Variants in ACTR3B observed in about 807,000 individuals in gnomAD.
ACTR3B encodes the protein actin related protein 3B, also known as actin-related protein 3B.
Under a neutral mutation model 59.0 loss-of-function variants are expected in ACTR3B, and 8 were observed. The ratio of observed to expected loss-of-function variants is 0.14; its 90% CI spans 0.08 to 0.24. The LOEUF (loss-of-function observed/expected upper bound fraction) is 0.24. ACTR3B is among the 10% of genes least tolerant of loss of function. The probability of loss-of-function intolerance (pLI) is 1.00; values close to 1 mark genes in which losing one functional copy is unlikely to be tolerated. For missense variants in ACTR3B, 245 were observed against 552.3 expected, an observed-to-expected ratio of 0.44 and a Z score of 5.58; for synonymous variants, 148 against 197.9, an observed-to-expected ratio of 0.75 and a Z score of 2.12.
At chr7:152,789,081 AC>A (rs2098185789) in intron 2 of ACTR3B, among the ~76,000 whole-genome samples, 1 of 151,800 alleles carries the variant, frequency 6.6e-6, no homozygotes, top group Admixed American at 6.5e-5. Flanking sequence ...AACAACAACA[AC>A]AAAGCCCTTA....
At chr7:152,781,299 T>A (rs6976679) in intron 1 of ACTR3B, among the ~76,000 whole-genome samples, 5 of 150,240 alleles carry the variant, frequency 3.3e-5, no homozygotes, top group Non-Finnish European at 1.5e-5. Flanking sequence ...TTTTTTCTGG[T>A]TCCATCAGAT....
chr7:152,814,638 C>T lies in ACTR3B; in HGVS notation c.425C>T (p.Ala142Val). The change falls in exon 5 of 12, where the codon GCA becomes GTA. Residue 142 changes from alanine (A) to valine (V), a missense_variant. This residue lies in a region of ACTR3B where 40 missense variants were observed against 70.4 expected (regional missense o/e 0.57). Coordinates refer to ENST00000256001, the MANE Select transcript of ACTR3B (RefSeq NM_020445.6). ...TTTAACGTACCAGGACTCTACATTG[C>T]AGTTCAGGTAAAACCAGTTACGTTT... ...ESFNVPGLYI[A>V]VQAVLALAAS... 2 of 1,612,662 alleles carry T rather than the reference C, an allele frequency of 1.2e-6. No individual in the cohort carries two copies. Among genetic ancestry groups the T allele is most frequent in the Non-Finnish European group, 1.7e-6 (2 of 1,178,766 alleles).
Position 152,814,586 on chromosome 7 carries a change from T to C in ACTR3B, c.373T>C (p.Tyr125His), listed in dbSNP as rs753345727. 6.2e-7 allele frequency: 1 copy of C among 1,613,218 alleles called. No homozygotes were observed. Among genetic ancestry groups the C allele is most frequent in the South Asian group, 1.1e-5 (1 of 90,992 alleles). Residue 125 changes from tyrosine (Y) to histidine (H), a missense_variant, in exon 5 of 12, where the codon TAT (tyrosine) becomes CAT (histidine). By Grantham distance (83) the Tyr-to-His change is moderately conservative. Transcript: ENST00000256001. ...ACTCAATACACCAGAAAACAGAGAG[T>C]ATCTTGCAGAAATTATGTTTGAATC... ...PPLNTPENRE[Y>H]LAEIMFESFN...
chr7:152,848,369 C>T (rs949498427), intron 9 of ACTR3B, among the ~76,000 whole-genome samples: 2 of 152,186 alleles, frequency 1.3e-5, no homozygotes, highest in African/African-American at 4.8e-5. Context: ...TGCAGCATTC[C>T]CTGCCAGAGA....
intron 2 of ACTR3B, among the ~76,000 whole-genome samples, chr7:152,796,860 G>GGTTTTTT (rs2098218252): frequency 7.3e-5 from 4 of 54,738 alleles, no homozygotes; most frequent in African/African-American, 2.8e-4. Flanking sequence ...TAGTTTTTGT[G>GGTTTTTT]TTTTTTTTTT....
chr7:152,836,230 A>G (rs1590414620), intron 9 of ACTR3B, among the ~76,000 whole-genome samples: 1 of 152,374 alleles, frequency 6.6e-6, no homozygotes, highest in African/African-American at 2.4e-5. Flanking sequence ...GAAGTATTTC[A>G]AAAGATAGGC....
At chr7:152,828,975 T>G (rs541103135) in intron 9 of ACTR3B, among the ~76,000 whole-genome samples, 77 of 152,198 alleles carry the variant, frequency 5.1e-4, no homozygotes, top group African/African-American at 1.7e-3. Flanking sequence ...AAATATAATT[T>G]TTAATTTTTA....
intron 2 of ACTR3B, among the ~76,000 whole-genome samples, chr7:152,791,785 A>G (rs1383137662): frequency 1.3e-5 from 2 of 152,208 alleles, no homozygotes; most frequent in Non-Finnish European, 2.9e-5. Flanking sequence ...TTTCATCTCT[A>G]TAATTTTATC....
chr7:152,849,627 A>G (rs528190336), intron 9 of ACTR3B, among the ~76,000 whole-genome samples: 11 of 152,388 alleles, frequency 7.2e-5, no homozygotes, highest in African/African-American at 2.2e-4. Context: ...ACAAGCTAAT[A>G]AAAAGGTCCT....
At chr7:152,786,630 G>A (rs1466639611) in intron 2 of ACTR3B, among the ~76,000 whole-genome samples, 4 of 150,150 alleles carry the variant, frequency 2.7e-5, no homozygotes, top group African/African-American at 4.9e-5. Context: ...GAATGAACAC[G>A]TCATTACTGC....
chr7:152,792,001 C>G (rs943910536), intron 2 of ACTR3B, among the ~76,000 whole-genome samples: 17 of 152,122 alleles, frequency 1.1e-4, no homozygotes, highest in Non-Finnish European at 2.4e-4. Flanking sequence ...AAGCAATTCT[C>G]CTGCCTCAGC....
At chr7:152,769,858 C>T (rs2098119920) in intron 1 of ACTR3B, among the ~76,000 whole-genome samples, 1 of 136,978 alleles carries the variant, frequency 7.3e-6, no homozygotes, top group Non-Finnish European at 1.6e-5. Flanking sequence ...TCCGTTTCAG[C>T]ATCTGATTTG....
Position 152,759,939 on chromosome 7 carries a change from C to A in ACTR3B, c.44+13C>A. The stretch of plus-strand genomic sequence containing the variant: ...ACTGTGGCACCGGGTAAGAGCAGCT[C>A]GGCGCCCACCCCCGCTCCTCCGCGG... On this transcript the variant is annotated intron_variant, in intron 1 of 11. Transcript: ENST00000256001. The A allele has an allele frequency of 7.3e-7, 1 of 1,372,008 alleles. No individual in the cohort carries two copies. The allele number at this position is 1,372,008 out of a possible 1,614,324, so 85.0% of individuals were successfully genotyped here.
chr7:152,824,496 T>C lies in ACTR3B; in HGVS notation c.859-534T>C, dbSNP rs1796419233. 6.6e-6 allele frequency among the ~76,000 whole-genome samples: 1 copy of C among 152,216 alleles called. No individual in the cohort carries two copies. Among genetic ancestry groups the C allele is most frequent in the African/African-American group, 2.4e-5 (1 of 41,462 alleles). ...AGCTTATTTAACTTATGGAATTGAA[T>C]CTATGGCTGTTTATTCAATAACATG... On this transcript the variant is annotated intron_variant, in intron 8 of 11. Transcript: ENST00000256001. The surrounding 1 kb of genome is among the most constrained non-coding windows in gnomAD (Gnocchi z 4.2).
intron 1 of ACTR3B, among the ~76,000 whole-genome samples, chr7:152,772,913 T>C (rs1308526472): frequency 6.6e-6 from 1 of 151,944 alleles, no homozygotes; most frequent in African/African-American, 2.4e-5. Context: ...AGGTTAGGTT[T>C]GGGCTGGGGA....
At chr7:152,796,966 T>C (rs1477320936) in intron 2 of ACTR3B, among the ~76,000 whole-genome samples, 1 of 145,368 alleles carries the variant, frequency 6.9e-6, no homozygotes, top group East Asian at 2.1e-4. Flanking sequence ...AATTTGCCTG[T>C]CTCGACCACC....
chr7:152,836,377 T>G (rs1306412048), intron 9 of ACTR3B, among the ~76,000 whole-genome samples: 2 of 151,918 alleles, frequency 1.3e-5, no homozygotes, highest in Non-Finnish European at 2.9e-5. Context: ...GCAGAATTGC[T>G]TGAGCCCAGG....
chr7:152,806,421 T>G (rs887358848), intron 4 of ACTR3B, among the ~76,000 whole-genome samples: 15 of 152,378 alleles, frequency 9.8e-5, no homozygotes, highest in African/African-American at 3.6e-4. Context: ...TGAAGTGTTT[T>G]TGGCAGCAAG....
At chr7:152,761,624 A>G (rs2098089617) in intron 1 of ACTR3B, among the ~76,000 whole-genome samples, 1 of 152,178 alleles carries the variant, frequency 6.6e-6, no homozygotes, top group South Asian at 2.1e-4. Context: ...TGTGGCCCAA[A>G]GTCATGCTTC....
Sources: allele counts gnomAD v4.1 joint callset (sites outside exome capture counted in the v4.1 genomes callset), GRCh38; gene constraint gnomAD v4.1.1; regional missense constraint gnomAD v4.1.1; non-coding constraint Gnocchi (gnomAD v3.1); transcripts MANE v1.5; gene names NCBI Gene and HGNC (gene_info 2026-07-23, HGNC 2026-07-21).